GABRB2: variants seen among roughly 807,000 people sequenced by gnomAD.
GABRB2 encodes the protein gamma-aminobutyric acid type A receptor subunit beta2, also known as gamma-aminobutyric acid receptor subunit beta-2.
Under a neutral mutation model 54.7 loss-of-function variants are expected in GABRB2, and 16 were observed. That is an observed-to-expected ratio of 0.29 (90% CI 0.20 to 0.44). The LOEUF (loss-of-function observed/expected upper bound fraction) is 0.44. Ranked by LOEUF, GABRB2 falls within the 20% of genes least tolerant of loss-of-function variation. The pLI is 1.00. For synonymous variants in GABRB2, 244 were observed against 233.8 expected, an observed-to-expected ratio of 1.04 and a Z score of -0.40; for missense variants, 355 against 644.0, an observed-to-expected ratio of 0.55 and a Z score of 4.86.
At chr5:161,315,129 A>T (rs1303674307) in intron 9 of GABRB2, among the ~76,000 whole-genome samples, 1 of 152,208 alleles carries the variant, frequency 6.6e-6, no homozygotes, top group East Asian at 1.9e-4. Flanking sequence ...TGCTTTGAAA[A>T]AACCACATGG....
In GABRB2 at chr5:161,454,429, G is replaced by A. The variant is rs1309674398; in HGVS notation, c.458+5195C>T. On this transcript the variant is annotated intron_variant, in intron 4 of 9. Coordinates refer to ENST00000393959, the MANE Select transcript of GABRB2 (RefSeq NM_001371727.1). ...TTCTTTTGCATTCTAGACATGCCTG[G>A]CCTAGGTTTTTCCCATTCCTTTCAA... Among the ~76,000 whole-genome samples the A allele has an allele frequency of 2.0e-5, 3 of 152,038 alleles. No individual in the cohort carries two copies. The East Asian group carries it at 5.8e-4, about 29-fold the overall frequency.
chr5:161,484,213 G>C (rs977854247), intron 3 of GABRB2, among the ~76,000 whole-genome samples: 1 of 151,892 alleles, frequency 6.6e-6, no homozygotes, highest in African/African-American at 2.4e-5. Context: ...AGCACTCCCA[G>C]ATTTAAAACA....
intron 3 of GABRB2, among the ~76,000 whole-genome samples, chr5:161,483,730 A>G (rs1449998684): frequency 2.0e-5 from 3 of 151,970 alleles, no homozygotes; most frequent in Non-Finnish European, 4.4e-5. Context: ...GCATAAAATA[A>G]ATATATTTAT....
At chr5:161,474,798 G>T (rs181479959) in intron 3 of GABRB2, among the ~76,000 whole-genome samples, 2 of 151,810 alleles carry the variant, frequency 1.3e-5, no homozygotes, top group African/African-American at 2.4e-5. Flanking sequence ...AAAATAAATT[G>T]GTTTTTATAT....
chr5:161,473,703 T>A (rs1239048806), intron 3 of GABRB2, among the ~76,000 whole-genome samples: 1 of 151,996 alleles, frequency 6.6e-6, no homozygotes, highest in East Asian at 1.9e-4. Flanking sequence ...TTTTTATCAT[T>A]AATAGAAAAA....
intron 4 of GABRB2, among the ~76,000 whole-genome samples, chr5:161,420,572 G>C (rs756448526): frequency 6.6e-6 from 1 of 152,156 alleles, no homozygotes; most frequent in Non-Finnish European, 1.5e-5. Context: ...TCTGCAAAAC[G>C]TGTGGCCAGG....
intron 3 of GABRB2, among the ~76,000 whole-genome samples, chr5:161,471,515 T>C (rs1419525185): frequency 1.3e-5 from 2 of 151,992 alleles, no homozygotes; most frequent in Non-Finnish European, 2.9e-5. Context: ...AGATCACCCA[T>C]AAGGGAAATC....
chr5:161,517,177 A>ATCTT (rs1268755400), intron 3 of GABRB2, among the ~76,000 whole-genome samples: 1 of 152,160 alleles, frequency 6.6e-6, no homozygotes, highest in Non-Finnish European at 1.5e-5. Flanking sequence ...TCATAAAGAT[A>ATCTT]GCTGTGATGA....
chr5:161,505,288 G>A (rs936586571), intron 3 of GABRB2, among the ~76,000 whole-genome samples: 2 of 151,580 alleles, frequency 1.3e-5, no homozygotes, highest in Non-Finnish European at 1.5e-5. Context: ...GTGCCACCAC[G>A]CCCGACAAAT....
intron 9 of GABRB2, among the ~76,000 whole-genome samples, chr5:161,320,357 A>G (rs1166786343): frequency 1.5e-5 from 2 of 135,512 alleles, no homozygotes; most frequent in African/African-American, 6.0e-5. Context: ...TTTAATTTTT[A>G]TTGTATCTTT....
At chr5:161,393,138 G>C (rs897256211) in intron 5 of GABRB2, among the ~76,000 whole-genome samples, 1 of 151,144 alleles carries the variant, frequency 6.6e-6, no homozygotes, top group African/African-American at 2.4e-5. Context: ...TTGACTGAAA[G>C]CTCCATTTGA....
intron 4 of GABRB2, among the ~76,000 whole-genome samples, chr5:161,419,395 T>C (rs1185035273): frequency 6.6e-6 from 1 of 152,112 alleles, no homozygotes; most frequent in Non-Finnish European, 1.5e-5. Context: ...TGAAAAACAG[T>C]ATGGAGATTT....
chr5:161,313,586 T>C (rs1053556772), intron 9 of GABRB2, among the ~76,000 whole-genome samples: 2 of 150,966 alleles, frequency 1.3e-5, no homozygotes, highest in Non-Finnish European at 2.9e-5. Flanking sequence ...AATTTAGAAA[T>C]AGATCTTAGG....
At chr5:161,420,302 T>C (rs1756811418) in intron 4 of GABRB2, among the ~76,000 whole-genome samples, 1 of 152,230 alleles carries the variant, frequency 6.6e-6, no homozygotes, top group Non-Finnish European at 1.5e-5. Flanking sequence ...CAGCCTCAGC[T>C]GGGTCTCTTT....
chr5:161,515,936 A>C (rs551659847), intron 3 of GABRB2, among the ~76,000 whole-genome samples: 5 of 152,342 alleles, frequency 3.3e-5, no homozygotes, highest in Non-Finnish European at 2.9e-5. Context: ...TTAACCTGAC[A>C]TGCAAAAGTC....
chr5:161,358,087 T>C (rs1022506229), intron 5 of GABRB2, among the ~76,000 whole-genome samples: 15 of 152,194 alleles, frequency 9.9e-5, no homozygotes, highest in African/African-American at 3.6e-4. Context: ...CCTGATGTCT[T>C]GTATTAAGAA....
intron 4 of GABRB2, among the ~76,000 whole-genome samples, chr5:161,430,780 T>A (rs1249213597): frequency 6.6e-6 from 1 of 152,158 alleles, no homozygotes; most frequent in South Asian, 2.1e-4. Context: ...AGCTCAAACA[T>A]GATAAAAGCC....
At chr5:161,344,575 G>A (rs1051456359) in intron 5 of GABRB2, among the ~76,000 whole-genome samples, 4 of 151,936 alleles carry the variant, frequency 2.6e-5, no homozygotes, top group African/African-American at 9.7e-5. Flanking sequence ...GGAAAAATAG[G>A]GATGCTTTTA....
At chr5:161,469,138 AT>A in intron 3 of GABRB2, among the ~76,000 whole-genome samples, 1 of 151,852 alleles carries the variant, frequency 6.6e-6, no homozygotes. Context: ...ATGTCAAGTG[AT>A]TTTCAATTAT....
Sources: gnomAD v4.1 joint callset for allele counts (sites outside exome capture counted in the v4.1 genomes callset) on GRCh38, gnomAD v4.1.1 for gene constraint, MANE v1.5 for transcripts, NCBI Gene and HGNC (gene_info 2026-07-23, HGNC 2026-07-21) for gene names.